IFT80: variants seen among roughly 807,000 people sequenced by gnomAD.
The protein encoded by IFT80 is intraflagellar transport protein 80 homolog.
A neutral mutation model predicts 107.9 loss-of-function variants in IFT80; 79 were observed. That is an observed-to-expected ratio of 0.73 (90% CI 0.61 to 0.88). The LOEUF (loss-of-function observed/expected upper bound fraction) is 0.88. Ranked by LOEUF, IFT80 falls within the 40% of genes least tolerant of loss-of-function variation. The probability of loss-of-function intolerance (pLI) is 0.00; values close to 1 mark genes in which losing one functional copy is unlikely to be tolerated. For synonymous variants in IFT80, 299 were observed against 300.9 expected (o/e 0.99, Z 0.07); for missense variants, 797 against 914.2 (o/e 0.87, Z 1.65).
At chr3:160,390,691 C>G (rs1293939016) in intron 1 of IFT80, among the ~76,000 whole-genome samples, 1 of 152,154 alleles carries the variant, frequency 6.6e-6, no homozygotes. Flanking sequence ...ATCTGGCCAC[C>G]TAGAACAAAG....
intron 1 of IFT80, among the ~76,000 whole-genome samples, chr3:160,398,768 G>A (rs773018063): frequency 8.5e-5 from 13 of 152,256 alleles, no homozygotes; most frequent in African/African-American, 2.9e-4. Context: ...AATATTTGCT[G>A]ATCGATAATT....
intron 8 of IFT80, among the ~76,000 whole-genome samples, chr3:160,353,204 A>G (rs1283257286): frequency 6.6e-6 from 1 of 152,168 alleles, no homozygotes; most frequent in Non-Finnish European, 1.5e-5. Flanking sequence ...GAATACTACC[A>G]TGTTACTACA....
At chr3:160,283,062 T>C (rs538126303) in intron 13 of IFT80, among the ~76,000 whole-genome samples, 110 of 152,316 alleles carry the variant, frequency 7.2e-4, no homozygotes, top group South Asian at 5.2e-3. Context: ...CCTTAAATTC[T>C]ATAGATTCTC....
chr3:160,292,414 A>T (rs1257996622), intron 12 of IFT80, among the ~76,000 whole-genome samples: 1 of 151,858 alleles, frequency 6.6e-6, no homozygotes, highest in Non-Finnish European at 1.5e-5. Flanking sequence ...CATTACCAGC[A>T]TGAGTATGGA....
rs115933380 is a variant in IFT80, at chr3:160,305,208, C to T, written c.1077-1219G>A. Among the ~76,000 whole-genome samples the T allele has an allele frequency of 7.5e-3, 1,134 of 152,156 alleles. 19 individuals are homozygous for T. The highest frequency in any genetic ancestry group is 0.026 in the African/African-American group (1,085 of 41,510). ...AATTTTCATAAAGCCAATTCTCTAC[C>T]TCAGATTAAATCCCACGTTCAAATC... On this transcript the variant is annotated intron_variant, in intron 10 of 19. Coordinates refer to ENST00000326448, the MANE Select transcript of IFT80 (RefSeq NM_020800.3).
intron 12 of IFT80, among the ~76,000 whole-genome samples, chr3:160,294,368 G>T (rs906438795): frequency 6.6e-6 from 1 of 152,074 alleles, no homozygotes; most frequent in Non-Finnish European, 1.5e-5. Context: ...GTACAGGGGC[G>T]TGCCACTATG....
At chr3:160,288,480 T>C (rs1260278144) in intron 12 of IFT80, among the ~76,000 whole-genome samples, 2 of 151,790 alleles carry the variant, frequency 1.3e-5, no homozygotes, top group Non-Finnish European at 2.9e-5. Context: ...AAAGCAAAAA[T>C]TGACAAATAG....
chr3:160,275,451 G>A (rs1714185097), intron 18 of IFT80, among the ~76,000 whole-genome samples: 1 of 152,074 alleles, frequency 6.6e-6, no homozygotes, highest in Non-Finnish European at 1.5e-5. Flanking sequence ...AGATATTTAT[G>A]TTATCTTTCC....
chr3:160,299,682 ATACC>A (rs1164523950), intron 12 of IFT80, among the ~76,000 whole-genome samples: 1 of 152,128 alleles, frequency 6.6e-6, no homozygotes, highest in African/African-American at 2.4e-5. Flanking sequence ...CGCTAGCAGT[ATACC>A]AATGACCACC....
At chr3:160,286,062 A>G (rs1245403841) in intron 12 of IFT80, among the ~76,000 whole-genome samples, 194 bp from the exon 13 acceptor site, 1 of 152,140 alleles carries the variant, frequency 6.6e-6, no homozygotes, top group East Asian at 1.9e-4. Flanking sequence ...CTTCTTCCTA[A>G]AACACATTCC....
At chr3:160,379,935 C>T (rs995492265) in intron 3 of IFT80, among the ~76,000 whole-genome samples, 3 of 152,102 alleles carry the variant, frequency 2.0e-5, no homozygotes, top group African/African-American at 7.2e-5. Flanking sequence ...AACATCCTTT[C>T]CATCTTCAGG....
intron 8 of IFT80, among the ~76,000 whole-genome samples, chr3:160,333,285 T>C (rs1018670104): frequency 1.3e-5 from 2 of 152,226 alleles, no homozygotes; most frequent in Non-Finnish European, 2.9e-5. Context: ...GAAACACTAC[T>C]GCATACTACT....
At chr3:160,370,014 C>A (rs571117484) in intron 5 of IFT80, among the ~76,000 whole-genome samples, 17 of 152,202 alleles carry the variant, frequency 1.1e-4, no homozygotes, top group African/African-American at 3.1e-4. Flanking sequence ...TATCTAAATT[C>A]TTTCAACCTG....
intron 8 of IFT80, among the ~76,000 whole-genome samples, chr3:160,354,452 A>G (rs1720922066): frequency 6.6e-6 from 1 of 152,044 alleles, no homozygotes; most frequent in Non-Finnish European, 1.5e-5. Flanking sequence ...GATCGAGACC[A>G]TCCTGGCTAA....
At chr3:160,328,267 GC>G (rs1718821006) in intron 8 of IFT80, among the ~76,000 whole-genome samples, 1 of 151,910 alleles carries the variant, frequency 6.6e-6, no homozygotes, top group Non-Finnish European at 1.5e-5. Context: ...TTCAAGACCA[GC>G]CTGGCAAACA....
intron 5 of IFT80, among the ~76,000 whole-genome samples, chr3:160,366,842 T>C (rs1252737924): frequency 6.6e-6 from 1 of 152,014 alleles, no homozygotes; most frequent in Non-Finnish European, 1.5e-5. Context: ...TCTCAACCTG[T>C]TGTGTTATCA....
chr3:160,316,920 G>A (rs754418751), intron 9 of IFT80, among the ~76,000 whole-genome samples: 1 of 152,280 alleles, frequency 6.6e-6, no homozygotes, highest in Non-Finnish European at 1.5e-5. Context: ...AGAAAGAGAT[G>A]AAGTCCTCTT....
intron 8 of IFT80, among the ~76,000 whole-genome samples, chr3:160,327,735 C>T (rs559121651): frequency 2.0e-5 from 3 of 152,234 alleles, no homozygotes; most frequent in African/African-American, 7.2e-5. Flanking sequence ...TATAAATACC[C>T]TAGAAGAAAA....
intron 12 of IFT80, among the ~76,000 whole-genome samples, chr3:160,296,218 G>A (rs1005108729): frequency 2.0e-5 from 3 of 152,022 alleles, no homozygotes; most frequent in African/African-American, 4.8e-5. Flanking sequence ...AAAACTGCCT[G>A]GAAGCCACTA....
Sources: gnomAD v4.1 joint callset for allele counts (sites outside exome capture counted in the v4.1 genomes callset) on GRCh38, gnomAD v4.1.1 for gene constraint, MANE v1.5 for transcripts, NCBI Gene and HGNC (gene_info 2026-07-23, HGNC 2026-07-21) for gene names.